INSYN2B: variants seen among roughly 807,000 people sequenced by gnomAD.
The protein encoded by INSYN2B is inhibitory synaptic factor family member 2B.
A neutral mutation model predicts 41.2 loss-of-function variants in INSYN2B; 16 were observed. That is an observed-to-expected ratio of 0.39 (90% CI 0.26 to 0.59). The LOEUF is 0.59. INSYN2B is among the 20% of genes least tolerant of loss of function. INSYN2B has a pLI of 0.57. For synonymous variants in INSYN2B, 245 were observed against 244.4 expected (o/e 1.00, Z -0.02); for missense variants, 608 against 646.4 (o/e 0.94, Z 0.64).
intron 1 of INSYN2B, among the ~76,000 whole-genome samples, chr5:169,926,440 G>A (rs1775460843): frequency 6.6e-6 from 1 of 152,164 alleles, no homozygotes; most frequent in African/African-American, 2.4e-5. Flanking sequence ...CTGATCACAT[G>A]AGCCTCGGAT....
intron 3 of INSYN2B, among the ~76,000 whole-genome samples, chr5:169,874,339 G>A (rs985969937): frequency 1.3e-5 from 2 of 151,192 alleles, no homozygotes; most frequent in Admixed American, 6.6e-5. Context: ...CTTAAACCTG[G>A]GAGGCAGAGG....
At position 169,883,153 on chromosome 5, in the gene INSYN2B, G is replaced by A. The variant is rs1413100683; in HGVS notation, c.746C>T (p.Pro249Leu). The A allele has an allele frequency of 1.9e-6, 3 of 1,551,466 alleles. No individual in the cohort carries two copies. The highest frequency in any genetic ancestry group is 1.2e-5 in the South Asian group (1 of 84,050). The change falls in exon 2 of 4, where the codon CCA becomes CTA. Residue 249 changes from proline to leucine, a missense_variant. Physicochemically the swap from Pro to Leu is moderately conservative, Grantham distance 98 (BLOSUM62 -3). Coordinates refer to ENST00000377365, the MANE Select transcript of INSYN2B (RefSeq NM_001129891.3). The stretch of plus-strand genomic sequence containing the variant: ...GGAGGTGGATTTTTCTGAATCTAGT[G>A]GAGTCACCCTTCTCCCATCACCTGG... ...TRPGDGRRVT[P>L]LDSEKSTSCL... is the part of the protein sequence containing the mutation.
At chr5:169,934,514 G>C in intron 1 of INSYN2B, 1 of 398,660 alleles carries the variant, frequency 2.5e-6, no homozygotes, top group Middle Eastern at 5.8e-4. Flanking sequence ...ATGCTTATCA[G>C]CACCCACATT....
chr5:169,942,611 G>A (rs571247532), intron 1 of INSYN2B, among the ~76,000 whole-genome samples: 1 of 152,336 alleles, frequency 6.6e-6, no homozygotes, highest in Admixed American at 6.5e-5. Flanking sequence ...CCAAGATGGT[G>A]CTGGCTCTGC....
intron 1 of INSYN2B, among the ~76,000 whole-genome samples, chr5:169,929,399 G>T (rs189850088): frequency 1.0e-3 from 156 of 152,192 alleles, no homozygotes; most frequent in African/African-American, 3.8e-3. Context: ...ACGATATACA[G>T]AACTCCTAGC....
At position 169,882,914 on chromosome 5, in the gene INSYN2B, A is replaced by G. The variant is rs1363659923; in HGVS notation, c.985T>C (p.Cys329Arg). 1.3e-6 allele frequency: 2 copies of G among 1,551,814 alleles called. No homozygotes were observed. Among genetic ancestry groups the G allele is most frequent in the Admixed American group, 3.9e-5 (2 of 50,970 alleles). The change falls in exon 2 of 4, where the codon TGT becomes CGT. Residue 329 changes from cysteine to arginine, a missense_variant. Cys to Arg is a radical substitution (Grantham distance 180). Coordinates refer to ENST00000377365, the MANE Select transcript of INSYN2B (RefSeq NM_001129891.3). ...TGGTGATTGTTACTTGATGAAGGAC[A>G]GTCTGAGGCTCTTCCTGGGTGGGCT... ...QPAHPGRASD[C>R]PSSSNNHQNL...
intron 1 of INSYN2B, among the ~76,000 whole-genome samples, chr5:169,921,553 G>A (rs150022648): frequency 4.1e-4 from 62 of 152,250 alleles, no homozygotes; most frequent in Admixed American, 2.2e-3. Context: ...CCTCCTCTTC[G>A]TAGGAATTTG....
intron 1 of INSYN2B, among the ~76,000 whole-genome samples, chr5:169,974,193 A>G (rs1431695710): frequency 2.0e-5 from 3 of 152,222 alleles, no homozygotes; most frequent in Non-Finnish European, 4.4e-5. Context: ...TTTCTTATCT[A>G]TCAAGTAAAA....
At chr5:169,939,686 CA>C (rs1487270345) in intron 1 of INSYN2B, among the ~76,000 whole-genome samples, 1 of 152,108 alleles carries the variant, frequency 6.6e-6, no homozygotes, top group Non-Finnish European at 1.5e-5. Context: ...TCCATTCCGT[CA>C]TTGACTGAGA....
chr5:169,931,240 C>T (rs529941357), intron 1 of INSYN2B, among the ~76,000 whole-genome samples: 13 of 152,298 alleles, frequency 8.5e-5, no homozygotes, highest in African/African-American at 2.9e-4. Context: ...ATCCCAAAGA[C>T]GACCAGGAGA....
At chr5:169,873,678 C>A (rs568278848) in intron 3 of INSYN2B, among the ~76,000 whole-genome samples, 1 of 152,206 alleles carries the variant, frequency 6.6e-6, no homozygotes, top group Admixed American at 6.5e-5. Context: ...GGCTGCTAAA[C>A]CCATAGGACT....
At position 169,918,255 on chromosome 5, in the gene INSYN2B, G is replaced by A. The variant is rs116081350; in HGVS notation, c.-918-33439C>T. On this transcript the variant is annotated intron_variant, in intron 1 of 3. Coordinates refer to ENST00000377365, the MANE Select transcript of INSYN2B (RefSeq NM_001129891.3). ...TAGGACAGTCCCAGTTTATATTTGCGATACTGGTATAATTATTACTATCTC... is the reference window on the plus strand; with the variant it reads ...TAGGACAGTCCCAGTTTATATTTGCAATACTGGTATAATTATTACTATCTC... Among the ~76,000 whole-genome samples, 1,262 of 152,232 alleles carry A rather than the reference G, an allele frequency of 8.3e-3. 19 individuals carry two copies. Among genetic ancestry groups the A allele is most frequent in the African/African-American group, 0.029 (1,205 of 41,528 alleles).
At chr5:169,950,688 G>A (rs1230551214) in intron 1 of INSYN2B, among the ~76,000 whole-genome samples, 1 of 152,200 alleles carries the variant, frequency 6.6e-6, no homozygotes, top group Admixed American at 6.5e-5. Context: ...GTTCCTCTGG[G>A]AATTTTGTCG....
rs115676373 is a variant in INSYN2B, at chr5:169,970,151, A to G, written c.-919+10126T>C. ...TTATGCAGAGTGACTTCAGTGATCAATCGTTTGGTTTTTAATTTGATGTTC... is the reference window on the plus strand; with the variant it reads ...TTATGCAGAGTGACTTCAGTGATCAGTCGTTTGGTTTTTAATTTGATGTTC... On this transcript the variant is annotated intron_variant, in intron 1 of 3. Coordinates refer to ENST00000377365, the MANE Select transcript of INSYN2B (RefSeq NM_001129891.3). Among the ~76,000 whole-genome samples the G allele has an allele frequency of 3.8e-3, 586 of 152,302 alleles. 5 individuals are homozygous for G. Among genetic ancestry groups the G allele is most frequent in the African/African-American group, 0.014 (566 of 41,570 alleles).
intron 1 of INSYN2B, among the ~76,000 whole-genome samples, chr5:169,886,353 A>T (rs1772969767): frequency 6.6e-6 from 1 of 152,194 alleles, no homozygotes; most frequent in South Asian, 2.1e-4. Context: ...AAAATTCCAA[A>T]CAATGCAACT....
At chr5:169,953,135 A>T (rs1181798269) in intron 1 of INSYN2B, among the ~76,000 whole-genome samples, 1 of 152,182 alleles carries the variant, frequency 6.6e-6, no homozygotes, top group Non-Finnish European at 1.5e-5. Flanking sequence ...CAGCCTGGCC[A>T]ACATGGCGAA....
chr5:169,923,067 G>C (rs1030902465), intron 1 of INSYN2B, among the ~76,000 whole-genome samples: 1 of 152,120 alleles, frequency 6.6e-6, no homozygotes, highest in Non-Finnish European at 1.5e-5. Flanking sequence ...AATTCCCTGG[G>C]GGACACAGAG....
rs56040572 is a variant in INSYN2B at position 169,939,203 on chromosome 5, CT to C, written c.-919+41073del. ...ACAGGCGTGAGCCACTGTGCCCGGC[CT>C]TTTTTTTTTTTTTAAACTTTTTAAG... is the stretch of plus-strand genomic sequence containing the variant. On this transcript the variant is annotated intron_variant, in intron 1 of 3. Coordinates refer to ENST00000377365, the MANE Select transcript of INSYN2B (RefSeq NM_001129891.3). Among the ~76,000 whole-genome samples the C allele has an allele frequency of 2.6e-3, 369 of 143,536 alleles. 1 individual carries two copies. The highest frequency in any genetic ancestry group is 0.011 in the Middle Eastern group (3 of 270). 94.2% of individuals were successfully genotyped at this position (143,536 alleles called of 152,430 possible).
intron 1 of INSYN2B, among the ~76,000 whole-genome samples, chr5:169,900,388 A>G (rs1456551572): frequency 1.3e-5 from 2 of 152,206 alleles, no homozygotes; most frequent in East Asian, 3.9e-4. Context: ...TCTAGACGTG[A>G]AATGGAAGTT....
Sources: allele counts gnomAD v4.1 joint callset (sites outside exome capture counted in the v4.1 genomes callset), GRCh38; gene constraint gnomAD v4.1.1; transcripts MANE v1.5; gene names NCBI Gene and HGNC (gene_info 2026-07-23, HGNC 2026-07-21).